KCNH5: variants seen among roughly 807,000 people sequenced by gnomAD.
KCNH5 encodes the protein voltage-gated delayed rectifier potassium channel KCNH5.
KCNH5 carries 46 observed loss-of-function variants against 96.1 expected under a neutral mutation model. The observed-to-expected ratio is 0.48, with a 90% CI of 0.38 to 0.61. The LOEUF (loss-of-function observed/expected upper bound fraction) is 0.61, where lower values mean the gene tolerates loss of function less well. Among genes scored for constraint, KCNH5 ranks in the 20% least tolerant of loss-of-function variants. The pLI is 0.00. For synonymous variants in KCNH5, 439 were observed against 449.8 expected (o/e 0.98, Z 0.30); for missense variants, 907 against 1,225.8 (o/e 0.74, Z 3.88).
intron 10 of KCNH5, among the ~76,000 whole-genome samples, chr14:62,762,594 T>G (rs1187740191): frequency 6.6e-6 from 1 of 151,938 alleles, no homozygotes; most frequent in Non-Finnish European, 1.5e-5. Flanking sequence ...GCACAAACCT[T>G]CCCATCGTCA....
chr14:63,041,226 T>C (rs1449484315), intron 1 of KCNH5, among the ~76,000 whole-genome samples: 5 of 152,166 alleles, frequency 3.3e-5, no homozygotes, highest in African/African-American at 7.2e-5. Context: ...CTTTTGAATC[T>C]AAATTTTAAC....
chr14:62,999,925 A>G (rs377214352), intron 4 of KCNH5, among the ~76,000 whole-genome samples: 4 of 152,202 alleles, frequency 2.6e-5, no homozygotes, highest in Non-Finnish European at 5.9e-5. Flanking sequence ...AGACTGTTCA[A>G]TTTAAAAGTA....
chr14:62,987,221 A>T, intron 4 of KCNH5, 34 bp from the exon 5 acceptor site: 1 of 1,403,176 alleles, frequency 7.1e-7, no homozygotes, highest in South Asian at 1.2e-5. Context: ...TCAGTTTTTC[A>T]TACAAATGAA....
chr14:62,884,785 A>AT (rs1283749314), intron 7 of KCNH5, among the ~76,000 whole-genome samples: 1 of 152,254 alleles, frequency 6.6e-6, no homozygotes, highest in Non-Finnish European at 1.5e-5. Flanking sequence ...AATGTGGAAA[A>AT]TATTAAAGAT....
intron 7 of KCNH5, among the ~76,000 whole-genome samples, chr14:62,879,138 A>T (rs1423209365): frequency 6.6e-6 from 1 of 152,180 alleles, no homozygotes; most frequent in Non-Finnish European, 1.5e-5. Context: ...AATCAGTTTA[A>T]TAGAAACTAA....
chr14:62,803,307 T>C lies in KCNH5; in HGVS notation c.1570-726A>G, dbSNP rs546217714. On this transcript the variant is annotated intron_variant, in intron 8 of 10. Transcript: ENST00000322893. ...TTTATAACTAAATCAAAATTCCACA[T>C]TGGAGGTGGATTCAGAAAACAAAAT... Among the ~76,000 whole-genome samples the C allele has an allele frequency of 2.0e-5, 3 of 152,264 alleles. No homozygotes were observed. In the East Asian group the frequency reaches 5.8e-4, roughly 29 times the overall value.
intron 1 of KCNH5, among the ~76,000 whole-genome samples, chr14:63,029,006 T>C (rs1402716049): frequency 2.6e-5 from 4 of 152,104 alleles, no homozygotes; most frequent in African/African-American, 7.2e-5. Context: ...AGTCCAGTAA[T>C]TGAGACCATC....
Position 62,847,505 on chromosome 14 carries a change from G to A in KCNH5, c.1569+2148C>T, listed in dbSNP as rs928244394. Among the ~76,000 whole-genome samples, 35 of 152,000 alleles carry A rather than the reference G, an allele frequency of 2.3e-4. 1 individual carries two copies. Among genetic ancestry groups the A allele is most frequent in the Non-Finnish European group, 4.6e-4 (31 of 67,994 alleles). On this transcript the variant is annotated intron_variant, in intron 8 of 10. Coordinates refer to ENST00000322893, the MANE Select transcript of KCNH5 (RefSeq NM_139318.5). Reference sequence around the variant, plus strand: ...ATAAATCAATACAGGCATAGAGTATGTTTCATATATGAACAAGGAAACTTT... The same window carrying A: ...ATAAATCAATACAGGCATAGAGTATATTTCATATATGAACAAGGAAACTTT...
chr14:63,040,242 C>T (rs921153471), intron 1 of KCNH5, among the ~76,000 whole-genome samples: 2 of 152,054 alleles, frequency 1.3e-5, no homozygotes, highest in Non-Finnish European at 2.9e-5. Flanking sequence ...TACAAGGTGC[C>T]TAGGTAGATG....
intron 6 of KCNH5, among the ~76,000 whole-genome samples, chr14:62,966,747 CTT>C (rs1023125934): frequency 2.0e-5 from 3 of 152,244 alleles, no homozygotes; most frequent in African/African-American, 7.2e-5. Context: ...TCTTTGAATT[CTT>C]TCCTTCAAAA....
In KCNH5 at chr14:62,847,891, C is replaced by T. The variant is rs142322572; in HGVS notation, c.1569+1762G>A. On this transcript the variant is annotated intron_variant, in intron 8 of 10. Transcript: ENST00000322893. The stretch of plus-strand genomic sequence containing the variant: ...GGCATGCACACTTTGAGACACACTG[C>T]ATGCCAGTGCATCAGACCCTAACTC... Among the ~76,000 whole-genome samples, 1,010 of 152,336 alleles carry T rather than the reference C, an allele frequency of 6.6e-3. 2 individuals are homozygous for T. The highest frequency in any genetic ancestry group is 0.011 in the Non-Finnish European group (766 of 68,024).
At position 62,816,912 on chromosome 14, in the gene KCNH5, C is replaced by G. The variant is rs550908380; in HGVS notation, c.1570-14331G>C. Among the ~76,000 whole-genome samples the G allele has an allele frequency of 3.2e-3, 486 of 150,598 alleles. 2 individuals carry two copies. Among genetic ancestry groups the G allele is most frequent in the Middle Eastern group, 0.014 (4 of 288 alleles). ...TTCACAGATTCTCTCTTCTTCCTGA[C>G]CAAATATGCAGTTGAATTCTCTATT... is the stretch of plus-strand genomic sequence containing the variant. On this transcript the variant is annotated intron_variant, in intron 8 of 10. Coordinates refer to ENST00000322893, the MANE Select transcript of KCNH5 (RefSeq NM_139318.5).
At chr14:62,808,722 T>G (rs1886817806) in intron 8 of KCNH5, among the ~76,000 whole-genome samples, 1 of 152,100 alleles carries the variant, frequency 6.6e-6, no homozygotes, top group Admixed American at 6.6e-5. Context: ...TATGACTTAG[T>G]GTATGTTATT....
Position 62,855,085 on chromosome 14 carries a change from A to C in KCNH5, c.1370-5233T>G, listed in dbSNP as rs375640212. On this transcript the variant is annotated intron_variant, in intron 7 of 10. Transcript: ENST00000322893. The stretch of plus-strand genomic sequence containing the variant: ...CACTATTGAAACACCTGCTCTTGGA[A>C]TCTAGTTTTCATGCTGTGAGGAAGC... 5.9e-5 allele frequency among the ~76,000 whole-genome samples: 9 copies of C among 151,950 alleles called. No homozygotes were observed. The East Asian group carries it at 1.2e-3, about 20-fold the overall frequency.
At chr14:62,970,358 A>G (rs1375646751) in intron 6 of KCNH5, among the ~76,000 whole-genome samples, 1 of 152,160 alleles carries the variant, frequency 6.6e-6, no homozygotes, top group African/African-American at 2.4e-5. Context: ...ACCTTCTAAA[A>G]CACAAAGCAT....
intron 10 of KCNH5, among the ~76,000 whole-genome samples, chr14:62,754,926 T>C (rs1169876947): frequency 7.9e-6 from 1 of 126,426 alleles, no homozygotes; most frequent in Admixed American, 8.5e-5. Flanking sequence ...GAAATAGCTA[T>C]ACTTACACAA....
At chr14:62,985,761 CAA>C (rs1481403455) in intron 5 of KCNH5, among the ~76,000 whole-genome samples, 1 of 152,260 alleles carries the variant, frequency 6.6e-6, no homozygotes, top group East Asian at 1.9e-4. Flanking sequence ...GCCTACAATT[CAA>C]ACTCAAATAT....
intron 8 of KCNH5, among the ~76,000 whole-genome samples, chr14:62,825,714 T>C (rs1887209304): frequency 6.6e-6 from 1 of 152,090 alleles, no homozygotes; most frequent in Non-Finnish European, 1.5e-5. Flanking sequence ...GGTTTCTCTT[T>C]CTTTCTTCAT....
chr14:62,845,647 C>A (rs753419082), intron 8 of KCNH5, among the ~76,000 whole-genome samples: 1 of 152,054 alleles, frequency 6.6e-6, no homozygotes, highest in African/African-American at 2.4e-5. Context: ...TGGTGAGAAT[C>A]GGAGGTAGAG....
Sources: gnomAD v4.1 joint callset for allele counts (sites outside exome capture counted in the v4.1 genomes callset) on GRCh38, gnomAD v4.1.1 for gene constraint, MANE v1.5 for transcripts, NCBI Gene and HGNC (gene_info 2026-07-23, HGNC 2026-07-21) for gene names.